Variants in DAAM1 observed in about 807,000 individuals in gnomAD.
DAAM1 encodes the protein disheveled-associated activator of morphogenesis 1.
A neutral mutation model predicts 130.0 loss-of-function variants in DAAM1; 52 were observed. The observed-to-expected ratio is 0.40, with a 90% CI of 0.32 to 0.50. The LOEUF is 0.50. Ranked by LOEUF, DAAM1 falls within the 20% of genes least tolerant of loss-of-function variation. The pLI, the probability that DAAM1 is intolerant of heterozygous loss-of-function variation, is 0.61. For synonymous variants in DAAM1, 452 were observed against 444.5 expected (o/e 1.02, Z -0.21); for missense variants, 1,134 against 1,303.8 (o/e 0.87, Z 2.01).
At chr14:59,312,078 T>A (rs1247939816) in intron 3 of DAAM1, among the ~76,000 whole-genome samples, 1 of 152,202 alleles carries the variant, frequency 6.6e-6, no homozygotes, top group African/African-American at 2.4e-5. Context: ...TGATTATATA[T>A]CTGTACAAGT....
At chr14:59,352,413 C>A in intron 17 of DAAM1, 113 bp from the exon 18 acceptor site, 1 of 737,426 alleles carries the variant, frequency 1.4e-6, no homozygotes, top group Admixed American at 2.7e-5. Context: ...AGAGCTTATA[C>A]ACTCAACAAG....
At chr14:59,332,185 G>T (rs974632293) in intron 15 of DAAM1, among the ~76,000 whole-genome samples, 2 of 152,196 alleles carry the variant, frequency 1.3e-5, no homozygotes. Flanking sequence ...TTTGTATGCT[G>T]TCACTTGTAT....
intron 1 of DAAM1, among the ~76,000 whole-genome samples, chr14:59,222,905 G>C (rs1446803227): frequency 6.6e-6 from 1 of 152,226 alleles, no homozygotes; most frequent in Non-Finnish European, 1.5e-5. Context: ...TTCAAGCAAA[G>C]TGCACAACCA....
chr14:59,192,282 G>C (rs1026280819), intron 1 of DAAM1, among the ~76,000 whole-genome samples: 7 of 152,052 alleles, frequency 4.6e-5, no homozygotes, highest in Non-Finnish European at 8.8e-5. Flanking sequence ...CAAAAGTTCT[G>C]ATTGAAAGTG....
chr14:59,326,006 G>A lies in DAAM1; in HGVS notation c.1103G>A (p.Arg368Lys). The A allele has an allele frequency of 6.2e-7, 1 of 1,614,196 alleles. No individual in the cohort carries two copies. The highest frequency in any genetic ancestry group is 8.5e-7 in the Non-Finnish European group (1 of 1,180,020). Residue 368 changes from arginine (R) to lysine (K), a missense_variant, in exon 10 of 25, where the codon AGG becomes AAG. Physicochemically the swap from Arg to Lys is conservative, Grantham distance 26 (BLOSUM62 2). Around this residue, in one of 3 missense-constraint regions of DAAM1, gnomAD observed 391 missense variants for 521.6 expected, o/e 0.75. Coordinates refer to ENST00000360909, the MANE Select transcript of DAAM1 (RefSeq NM_001270520.2). ...KSATQMFELTRKRLTHSEAYP... is the reference protein window; with the variant it reads ...KSATQMFELTKKRLTHSEAYP... ...GCAACTCAGATGTTTGAGCTGACCA[G>A]GAAGAGGCTGACACATAGTGAAGCT...
chr14:59,272,865 C>G (rs1015217194), intron 2 of DAAM1, among the ~76,000 whole-genome samples: 1 of 152,100 alleles, frequency 6.6e-6, no homozygotes, highest in African/African-American at 2.4e-5. Context: ...TGCCAAGATA[C>G]AGTCAATTTA....
At position 59,358,836 on chromosome 14, in the gene DAAM1, C is replaced by CA. The variant is rs35150898; in HGVS notation, c.2526-545dup. Among the ~76,000 whole-genome samples the CA allele has an allele frequency of 3.2e-3, 447 of 137,940 alleles. 1 individual carries two copies. The highest frequency in any genetic ancestry group is 8.6e-3 in the African/African-American group (323 of 37,476). The allele number at this position is 137,940 out of a possible 152,430, so 90.5% of individuals were successfully genotyped here. Reference sequence around the variant, plus strand: ...CCAGCCTGGGCAACAGACCCCATCTCAAAAAAAAAAAAAAAAGTATCAATA... The same window carrying CA: ...CCAGCCTGGGCAACAGACCCCATCTCAAAAAAAAAAAAAAAAAGTATCAATA... On this transcript the variant is annotated intron_variant, in intron 20 of 24. Coordinates refer to ENST00000360909, the MANE Select transcript of DAAM1 (RefSeq NM_001270520.2).
At chr14:59,289,783 T>TATATATATATATATATAA (rs966292211) in intron 2 of DAAM1, among the ~76,000 whole-genome samples, 29 of 135,178 alleles carry the variant, frequency 2.1e-4, no homozygotes, top group Non-Finnish European at 3.4e-4. Context: ...TATATATATA[T>TATATATATATATATATAA]AATGGAATGC....
Position 59,208,933 on chromosome 14 carries a change from G to T in DAAM1, c.-38+20165G>T, listed in dbSNP as rs1004413812. Among the ~76,000 whole-genome samples the T allele has an allele frequency of 7.2e-5, 11 of 152,264 alleles. No individual in the cohort carries two copies. The South Asian group carries it at 1.2e-3, about 17-fold the overall frequency. Reference sequence around the variant, plus strand: ...GTACTGGCTTCCCTCTTCACCTTCTGCTGTGATTGTAAGCTTCCTGGGCCT... The same window carrying T: ...GTACTGGCTTCCCTCTTCACCTTCTTCTGTGATTGTAAGCTTCCTGGGCCT... On this transcript the variant is annotated intron_variant, in intron 1 of 24. Coordinates refer to ENST00000360909, the MANE Select transcript of DAAM1 (RefSeq NM_001270520.2).
At chr14:59,331,974 C>T in intron 15 of DAAM1, 54 bp downstream of exon 15, 1 of 1,470,964 alleles carries the variant, frequency 6.8e-7, no homozygotes, top group Non-Finnish European at 9.5e-7. Context: ...ATGTCTTATG[C>T]ATGATCTCTG....
In DAAM1 at chr14:59,268,284, G is replaced by T. The variant is rs764353414; in HGVS notation, c.183+4624G>T. Reference sequence around the variant, plus strand: ...GCTGTTGCCAGTTTTTGGCTCCTGTGAATAAAGCTGCTATAAATATCCATA... The same window carrying T: ...GCTGTTGCCAGTTTTTGGCTCCTGTTAATAAAGCTGCTATAAATATCCATA... On this transcript the variant is annotated intron_variant, in intron 2 of 24. Transcript: ENST00000360909. Among the ~76,000 whole-genome samples, 11 of 152,280 alleles carry T rather than the reference G, an allele frequency of 7.2e-5. No homozygotes were observed. In the East Asian group the frequency reaches 1.2e-3, roughly 16 times the overall value.
rs988605923 is a variant in DAAM1, at chr14:59,201,508, G to A, written c.-38+12740G>A. Reference sequence around the variant, plus strand: ...CTGTTGCCTGTAATCCCAGCTACTCGGGAGGCTGAGGCAGGAGAATTCGCT... The same window carrying A: ...CTGTTGCCTGTAATCCCAGCTACTCAGGAGGCTGAGGCAGGAGAATTCGCT... On this transcript the variant is annotated intron_variant, in intron 1 of 24. Coordinates refer to ENST00000360909, the MANE Select transcript of DAAM1 (RefSeq NM_001270520.2). Among the ~76,000 whole-genome samples, 10 of 151,980 alleles carry A rather than the reference G, an allele frequency of 6.6e-5. No homozygotes were observed. In the South Asian group the frequency reaches 1.9e-3, roughly 28 times the overall value.
At chr14:59,297,744 ATTG>A (rs1884009216) in intron 3 of DAAM1, among the ~76,000 whole-genome samples, 1 of 152,112 alleles carries the variant, frequency 6.6e-6, no homozygotes, top group Admixed American at 6.5e-5. Flanking sequence ...TATTGTCATT[ATTG>A]TTCTCTTTTA....
intron 2 of DAAM1, among the ~76,000 whole-genome samples, chr14:59,272,503 G>A (rs922014286): frequency 2.0e-5 from 3 of 152,080 alleles, no homozygotes; most frequent in Non-Finnish European, 4.4e-5. Context: ...TTGAACCTTG[G>A]GAGATGGAGG....
chr14:59,236,971 C>G (rs1255658947), intron 1 of DAAM1, among the ~76,000 whole-genome samples: 1 of 152,082 alleles, frequency 6.6e-6, no homozygotes, highest in African/African-American at 2.4e-5. Context: ...GACAACTACT[C>G]GGAAAGCAGC....
intron 3 of DAAM1, among the ~76,000 whole-genome samples, chr14:59,308,511 GA>G (rs1279201500): frequency 6.6e-6 from 1 of 152,046 alleles, no homozygotes; most frequent in African/African-American, 2.4e-5. Context: ...AGTGTCCGGT[GA>G]ATTTTTTAAC....
At chr14:59,343,010 G>T (rs1180059085) in intron 16 of DAAM1, among the ~76,000 whole-genome samples, 1 of 152,130 alleles carries the variant, frequency 6.6e-6, no homozygotes, top group East Asian at 1.9e-4. Flanking sequence ...ATTTATAAGG[G>T]CATGAGTCAG....
intron 3 of DAAM1, among the ~76,000 whole-genome samples, chr14:59,302,810 C>T (rs886126340): frequency 2.6e-5 from 4 of 152,094 alleles, no homozygotes; most frequent in Admixed American, 6.5e-5. Flanking sequence ...TCCATCACCA[C>T]GCCTGGCTGA....
intron 1 of DAAM1, among the ~76,000 whole-genome samples, chr14:59,225,019 G>GTTTTTTTTTTT (rs869233694): frequency 3.9e-4 from 35 of 90,796 alleles, no homozygotes; most frequent in Non-Finnish European, 5.3e-4. Context: ...ATCTGTGTGG[G>GTTTTTTTTTTT]TTTTTTTTTT....
Sources: allele counts gnomAD v4.1 joint callset (sites outside exome capture counted in the v4.1 genomes callset), GRCh38; gene constraint gnomAD v4.1.1; regional missense constraint gnomAD v4.1.1; transcripts MANE v1.5; gene names NCBI Gene and HGNC (gene_info 2026-07-23, HGNC 2026-07-21).